MLLT3: variants seen among roughly 807,000 people sequenced by gnomAD.
The protein encoded by MLLT3 is protein AF-9.
MLLT3 carries 4 observed loss-of-function variants against 53.2 expected under a neutral mutation model. The observed-to-expected ratio is 0.08, with a 90% confidence interval of 0.04 to 0.17. The LOEUF is 0.17. Among genes scored for constraint, MLLT3 ranks in the 10% least tolerant of loss-of-function variants. The probability of loss-of-function intolerance (pLI) is 1.00; values close to 1 mark genes in which losing one functional copy is unlikely to be tolerated. For missense variants in MLLT3, 569 were observed against 684.0 expected (o/e 0.83, Z 1.87); for synonymous variants, 283 against 230.6 (o/e 1.23, Z -2.06).
At chr9:20,581,960 G>C (rs1291829285) in intron 2 of MLLT3, among the ~76,000 whole-genome samples, 1 of 151,964 alleles carries the variant, frequency 6.6e-6, no homozygotes, top group Non-Finnish European at 1.5e-5. Context: ...TATATCTGAT[G>C]CTCAATCCAG....
Position 20,570,682 on chromosome 9 carries a change from T to C in MLLT3, c.193+49972A>G, listed in dbSNP as rs2131163408. ...ATCAAAAATCCAAAGGTCCAACTTTTATGAACACTGTTAAACGATTAACTT... is the reference window on the plus strand; with the variant it reads ...ATCAAAAATCCAAAGGTCCAACTTTCATGAACACTGTTAAACGATTAACTT... On this transcript the variant is annotated intron_variant, in intron 2 of 10. Coordinates refer to ENST00000380338, the MANE Select transcript of MLLT3 (RefSeq NM_004529.4). 2.0e-5 allele frequency among the ~76,000 whole-genome samples: 3 copies of C among 152,324 alleles called. No individual in the cohort carries two copies. In the South Asian group the frequency reaches 6.2e-4, roughly 32 times the overall value.
At chr9:20,573,282 T>G (rs1226475771) in intron 2 of MLLT3, among the ~76,000 whole-genome samples, 1 of 151,728 alleles carries the variant, frequency 6.6e-6, no homozygotes, top group Non-Finnish European at 1.5e-5. Context: ...AGGGCTGAAG[T>G]GATCCTCCTG....
At chr9:20,411,001 A>G (rs1822713466) in intron 5 of MLLT3, 1 of 152,222 alleles carries the variant, frequency 6.6e-6, no homozygotes, top group African/African-American at 2.4e-5. Context: ...AATCTGGCTC[A>G]TATTCAACTA....
chr9:20,366,166 G>A (rs971805150), intron 5 of MLLT3, among the ~76,000 whole-genome samples: 1 of 152,058 alleles, frequency 6.6e-6, no homozygotes, highest in Admixed American at 6.6e-5. Context: ...CATCATCTAC[G>A]TTAGGTATTT....
chr9:20,392,695 A>G (rs1401773935), intron 5 of MLLT3, among the ~76,000 whole-genome samples: 2 of 152,178 alleles, frequency 1.3e-5, no homozygotes, highest in African/African-American at 2.4e-5. Flanking sequence ...CACAGCTTCC[A>G]TATCTTTATG....
chr9:20,475,868 A>G (rs1475053286), intron 2 of MLLT3, among the ~76,000 whole-genome samples: 18 of 152,128 alleles, frequency 1.2e-4, no homozygotes, highest in East Asian at 1.9e-4. Context: ...ATATCAGTAA[A>G]GCTATTGGTC....
chr9:20,619,876 C>T (rs1820947327), intron 2 of MLLT3, among the ~76,000 whole-genome samples: 1 of 152,170 alleles, frequency 6.6e-6, no homozygotes, highest in African/African-American at 2.4e-5. Context: ...TGGGGAGGGA[C>T]TAAAGCAAAA....
intron 10 of MLLT3, among the ~76,000 whole-genome samples, chr9:20,352,739 C>T (rs1821060920): frequency 6.8e-6 from 1 of 146,428 alleles, no homozygotes; most frequent in Non-Finnish European, 1.5e-5. Context: ...CCACACACAG[C>T]TGGGGTAGAT....
intron 3 of MLLT3, among the ~76,000 whole-genome samples, chr9:20,451,140 T>C (rs1359455775): frequency 6.6e-6 from 1 of 152,152 alleles, no homozygotes. Context: ...GCTAACTGAA[T>C]TAAAGGCAAG....
chr9:20,530,252 T>C (rs999365868), intron 2 of MLLT3, among the ~76,000 whole-genome samples: 2 of 152,196 alleles, frequency 1.3e-5, no homozygotes, highest in Admixed American at 6.5e-5. Context: ...CATACAACGG[T>C]TGGATTTTCA....
At chr9:20,416,068 G>C (rs1586933024) in intron 4 of MLLT3, among the ~76,000 whole-genome samples, 1 of 151,826 alleles carries the variant, frequency 6.6e-6, no homozygotes, top group Non-Finnish European at 1.5e-5. Context: ...AAATTCTAAA[G>C]ATAGGATTCA....
At chr9:20,434,215 G>A (rs1443370302) in intron 4 of MLLT3, among the ~76,000 whole-genome samples, 1 of 152,154 alleles carries the variant, frequency 6.6e-6, no homozygotes, top group Non-Finnish European at 1.5e-5. Flanking sequence ...TAATGTATCA[G>A]TGCTAATTCC....
At chr9:20,600,842 A>G (rs1820403113) in intron 2 of MLLT3, among the ~76,000 whole-genome samples, 1 of 152,164 alleles carries the variant, frequency 6.6e-6, no homozygotes, top group Non-Finnish European at 1.5e-5. Flanking sequence ...GACATAGATC[A>G]CTCTACTTAT....
intron 2 of MLLT3, among the ~76,000 whole-genome samples, chr9:20,504,805 C>T (rs1374465465): frequency 6.6e-6 from 1 of 152,074 alleles, no homozygotes; most frequent in Non-Finnish European, 1.5e-5. Flanking sequence ...GGCCATTTCA[C>T]AATGTATACA....
chr9:20,371,208 A>C (rs1482995434), intron 5 of MLLT3, among the ~76,000 whole-genome samples: 1 of 152,256 alleles, frequency 6.6e-6, no homozygotes, highest in East Asian at 1.9e-4. Flanking sequence ...CCATCTCTGT[A>C]ACATAAAAGT....
chr9:20,593,586 T>C (rs1256922339), intron 2 of MLLT3, among the ~76,000 whole-genome samples: 3 of 152,228 alleles, frequency 2.0e-5, no homozygotes, highest in African/African-American at 4.8e-5. Context: ...TCAACAACTA[T>C]GGTACATCTG....
At chr9:20,505,019 A>G (rs1170574439) in intron 2 of MLLT3, among the ~76,000 whole-genome samples, 2 of 152,242 alleles carry the variant, frequency 1.3e-5, no homozygotes, top group African/African-American at 4.8e-5. Flanking sequence ...AGGGCTCACC[A>G]TAAGTCAAAA....
chr9:20,481,999 G>C (rs573245074), intron 2 of MLLT3, among the ~76,000 whole-genome samples: 5 of 152,240 alleles, frequency 3.3e-5, no homozygotes, highest in African/African-American at 4.8e-5. Flanking sequence ...AATGTACTTC[G>C]AACTCAAGAG....
chr9:20,425,349 T>C (rs1823116639), intron 4 of MLLT3, among the ~76,000 whole-genome samples: 1 of 152,128 alleles, frequency 6.6e-6, no homozygotes, highest in African/African-American at 2.4e-5. Context: ...TTAAAGTGGT[T>C]CCTTCCAGAA....
Sources: allele counts gnomAD v4.1 joint callset (sites outside exome capture counted in the v4.1 genomes callset), GRCh38; gene constraint gnomAD v4.1.1; transcripts MANE v1.5; gene names NCBI Gene and HGNC (gene_info 2026-07-23, HGNC 2026-07-21).